TNRC6C: variants seen among roughly 807,000 people sequenced by gnomAD.
TNRC6C encodes trinucleotide repeat containing adaptor 6C.
TNRC6C carries 20 observed loss-of-function variants against 153.7 expected under a neutral mutation model. The ratio of observed to expected loss-of-function variants is 0.13; its 90% CI spans 0.09 to 0.19. The LOEUF (loss-of-function observed/expected upper bound fraction) is 0.19. TNRC6C is among the 10% of genes least tolerant of loss of function. The pLI is 1.00. For missense variants in TNRC6C, 1,987 were observed against 2,172.0 expected (o/e 0.91, Z 1.69); for synonymous variants, 811 against 841.4 (o/e 0.96, Z 0.63).
chr17:78,093,792 A>G, intron 16 of TNRC6C, 29 bp downstream of exon 18: 1 of 1,612,880 alleles, frequency 6.2e-7, no homozygotes, highest in East Asian at 2.2e-5. Context: ...CTGCCTCTGC[A>G]TGGACGGTCT....
chr17:78,102,451 C>T (rs1237345110), intron 17 of TNRC6C, 23 bp from the exon 21 acceptor site: 10 of 1,597,660 alleles, frequency 6.3e-6, no homozygotes, highest in Non-Finnish European at 8.5e-6. Context: ...CCTTGTCAAC[C>T]AGGTTCTCCC....
At chr17:78,048,765 T>TC in intron 2 of TNRC6C, 80 bp from the exon 5 acceptor site, 1 of 1,202,980 alleles carries the variant, frequency 8.3e-7, no homozygotes, top group Non-Finnish European at 1.0e-6. Flanking sequence ...ATAAAGAGCT[T>TC]CCCCAAAGAC....
At chr17:77,984,701 G>A (rs572133804) in intron 1 of TNRC6C, among the ~76,000 whole-genome samples, 2 of 152,218 alleles carry the variant, frequency 1.3e-5, no homozygotes, top group African/African-American at 4.8e-5. Flanking sequence ...GCCCTCCTGT[G>A]GACCACCTCT....
chr17:78,099,516 C>T (rs1349261138), intron 17 of TNRC6C, among the ~76,000 whole-genome samples: 1 of 152,162 alleles, frequency 6.6e-6, no homozygotes, highest in African/African-American at 2.4e-5. Context: ...TGCAGGGAAA[C>T]TCCCATTTTT....
At chr17:77,967,237 CA>C (rs950429480) in intron 1 of TNRC6C, among the ~76,000 whole-genome samples, 1 of 151,644 alleles carries the variant, frequency 6.6e-6, no homozygotes, top group Middle Eastern at 3.4e-3. Context: ...TAATGCTTTG[CA>C]AAAAAAACTT....
intron 1 of TNRC6C, among the ~76,000 whole-genome samples, chr17:77,965,621 T>C (rs1286961270): frequency 6.6e-6 from 1 of 152,182 alleles, no homozygotes; most frequent in Non-Finnish European, 1.5e-5. Flanking sequence ...GGACATCAAC[T>C]TCTTCCTGCC....
rs577804117 is a variant in TNRC6C at position 78,074,289 on chromosome 17, TG to T, written c.2918-844del. On this transcript the variant is annotated intron_variant, in intron 7 of 19. Transcript: ENST00000301624. ...TGAGGCTCAACCTGAACTGGGAACT[TG>T]GGCAACTCACATTTTTTTGCCAATC... Among the ~76,000 whole-genome samples, 81 of 152,318 alleles carry T rather than the reference TG, an allele frequency of 5.3e-4. 1 individual carries two copies. The highest frequency in any genetic ancestry group is 1.9e-3 in the African/African-American group (78 of 41,568).
intron 16 of TNRC6C, among the ~76,000 whole-genome samples, chr17:78,096,776 C>A (rs982064812): frequency 6.6e-6 from 1 of 152,232 alleles, no homozygotes; most frequent in Non-Finnish European, 1.5e-5. Flanking sequence ...CAACTGTCAC[C>A]ATTATTCCAT....
chr17:78,009,849 G>A (rs2071592866), intron 1 of TNRC6C, among the ~76,000 whole-genome samples: 2 of 151,834 alleles, frequency 1.3e-5, no homozygotes, highest in African/African-American at 2.4e-5. Flanking sequence ...CACTGCCCCT[G>A]GCCTGAATTA....
intron 1 of TNRC6C, among the ~76,000 whole-genome samples, chr17:78,019,296 A>T (rs1047364478): frequency 6.6e-6 from 1 of 152,246 alleles, no homozygotes; most frequent in African/African-American, 2.4e-5. Context: ...TTGGTATCTT[A>T]GAGATGACAA....
At chr17:77,978,446 G>A (rs1269778495) in intron 1 of TNRC6C, among the ~76,000 whole-genome samples, 1 of 152,134 alleles carries the variant, frequency 6.6e-6, no homozygotes, top group African/African-American at 2.4e-5. Context: ...CAACCCTGCC[G>A]CCGGGAACTA....
At chr17:78,058,224 T>G (rs1255900281) in intron 3 of TNRC6C, among the ~76,000 whole-genome samples, 1 of 152,204 alleles carries the variant, frequency 6.6e-6, no homozygotes, top group Non-Finnish European at 1.5e-5. Context: ...TCTGCTGTTT[T>G]ACCAGTTAGT....
intron 1 of TNRC6C, among the ~76,000 whole-genome samples, chr17:77,963,621 A>C (rs1335797517): frequency 6.6e-6 from 1 of 152,228 alleles, no homozygotes; most frequent in African/African-American, 2.4e-5. Context: ...GCAGAGCTAG[A>C]CAATCTGGGC....
At chr17:78,062,859 A>G (rs1281106905) in intron 3 of TNRC6C, among the ~76,000 whole-genome samples, 2 of 152,174 alleles carry the variant, frequency 1.3e-5, no homozygotes, top group African/African-American at 4.8e-5. Context: ...ACTTGACCAG[A>G]AGCCTTATTG....
rs544038321 is a variant in TNRC6C, at chr17:77,968,281, C to G, written c.-38+9013C>G. Among the ~76,000 whole-genome samples, 105 of 152,112 alleles carry G rather than the reference C, an allele frequency of 6.9e-4. No individual in the cohort carries two copies. The South Asian group carries it at 0.021, about 31-fold the overall frequency. On this transcript the variant is annotated intron_variant, in intron 1 of 22. Coordinates refer to the TNRC6C transcript ENST00000636222. ...ACTCCTGACCTCGTGATTCGCCCAC[C>G]TCGGCCTCCCAAAGCACTGGGATTA...
intron 1 of TNRC6C, among the ~76,000 whole-genome samples, chr17:77,960,058 G>A (rs1371138617): frequency 6.6e-6 from 1 of 152,140 alleles, no homozygotes; most frequent in African/African-American, 2.4e-5. Flanking sequence ...ATGTTGTGCC[G>A]GGAGGTAGGG....
chr17:78,019,457 A>C (rs891671883), intron 1 of TNRC6C, among the ~76,000 whole-genome samples: 3 of 152,244 alleles, frequency 2.0e-5, no homozygotes, highest in Non-Finnish European at 2.9e-5. Flanking sequence ...TGTTATGACA[A>C]CACTACCTGA....
chr17:78,044,543 G>A (rs945438063), intron 2 of TNRC6C, among the ~76,000 whole-genome samples: 3 of 152,296 alleles, frequency 2.0e-5, no homozygotes, highest in East Asian at 1.9e-4. Flanking sequence ...GAAAGAAGTC[G>A]TTCATCTTGT....
At chr17:78,018,667 A>G (rs1164206555) in intron 1 of TNRC6C, among the ~76,000 whole-genome samples, 1 of 152,076 alleles carries the variant, frequency 6.6e-6, no homozygotes, top group African/African-American at 2.4e-5. Context: ...TTACACATCA[A>G]GTTTATTATT....
Sources: allele counts gnomAD v4.1 joint callset (sites outside exome capture counted in the v4.1 genomes callset), GRCh38; gene constraint gnomAD v4.1.1; transcripts MANE v1.5; gene names NCBI Gene and HGNC (gene_info 2026-07-23, HGNC 2026-07-21).